The following SPDYE10 variants were observed in gnomAD, a reference collection of about 807,000 sequenced individuals.
SPDYE10 encodes the protein speedy protein E10.
At chr7:73,134,549 G>GAA in the SPDYE10 span, among the ~76,000 whole-genome samples, 1 of 152,032 alleles carries the variant, frequency 6.6e-6, no homozygotes, top group East Asian at 1.9e-4. Flanking sequence ...AAGAAAGAAA[G>GAA]AAAGAAAGAA....
chr7:73,126,603 A>G, the SPDYE10 span, among the ~76,000 whole-genome samples: 1 of 146,390 alleles, frequency 6.8e-6, no homozygotes. Flanking sequence ...AACAAACAGC[A>G]TAAATTAATA....
the SPDYE10 span, among the ~76,000 whole-genome samples, chr7:73,132,495 T>C: frequency 1.3e-5 from 2 of 151,864 alleles, no homozygotes; most frequent in African/African-American, 4.8e-5. Flanking sequence ...TGCAGTGAAC[T>C]ATGATCACAT....
chr7:73,127,766 A>G, the SPDYE10 span, among the ~76,000 whole-genome samples: 2 of 113,102 alleles, frequency 1.8e-5, no homozygotes, highest in South Asian at 7.1e-4. Context: ...AAAATAAAGC[A>G]GCAACAATAT....
chr7:73,135,869 G>GT, the SPDYE10 span, among the ~76,000 whole-genome samples: 6 of 75,408 alleles, frequency 8.0e-5, no homozygotes, highest in South Asian at 5.2e-4. Flanking sequence ...ACCGCACCCG[G>GT]TCTTTTTTTT....
the SPDYE10 span, among the ~76,000 whole-genome samples, chr7:73,126,907 T>TG: frequency 1.0e-4 from 14 of 136,188 alleles, no homozygotes; most frequent in Non-Finnish European, 2.2e-4. Context: ...TTGTTGTTGG[T>TG]GGTTTTTTTT....
chr7:73,134,537 A>AAGAAAGAAAGAAAGAAAGAAAGAACG, the SPDYE10 span, among the ~76,000 whole-genome samples: 1 of 139,530 alleles, frequency 7.2e-6, no homozygotes, highest in Non-Finnish European at 1.5e-5. Context: ...GAAAGAAAGA[A>AAGAAAGAAAGAAAGAAAGAAAGAACG]AAAGAAAGAA....
the SPDYE10 span, among the ~76,000 whole-genome samples, chr7:73,138,144 A>C: frequency 2.6e-5 from 4 of 152,250 alleles, no homozygotes; most frequent in African/African-American, 7.2e-5. Flanking sequence ...TGGGTAATCC[A>C]TTTAGGCCAC....
chr7:73,115,212 G>A, the SPDYE10 span, among the ~76,000 whole-genome samples: 16 of 152,212 alleles, frequency 1.1e-4, no homozygotes, highest in Middle Eastern at 3.4e-3. Context: ...TTTCTCTTAC[G>A]TTTGGTCACC....
chr7:73,118,150 CAA>C, the SPDYE10 span, among the ~76,000 whole-genome samples: 7 of 6,206 alleles, frequency 1.1e-3, no homozygotes, highest in East Asian at 0.022. Context: ...GACTCTCTGT[CAA>C]AAAAAAAAAA....
chr7:73,127,201 T>C, the SPDYE10 span, among the ~76,000 whole-genome samples: 6 of 58,990 alleles, frequency 1.0e-4, no homozygotes, highest in South Asian at 7.1e-4. Context: ...CTCGGCCTCC[T>C]GGAGTGCTGG....
chr7:73,154,845 G>GCC, the SPDYE10 span: 46 of 190,458 alleles, frequency 2.4e-4, no homozygotes, highest in Middle Eastern at 1.1e-3. Context: ...CACCGGGGGA[G>GCC]CCCCCCCAGG....
chr7:73,143,041 AG>A, the SPDYE10 span, among the ~76,000 whole-genome samples: 1 of 150,244 alleles, frequency 6.7e-6, no homozygotes, highest in Non-Finnish European at 1.5e-5. Flanking sequence ...GAAAGAAGGA[AG>A]GAAGAAAATG....
the SPDYE10 span, among the ~76,000 whole-genome samples, chr7:73,123,936 T>C: frequency 4.0e-5 from 6 of 151,054 alleles, no homozygotes; most frequent in African/African-American, 1.5e-4. Context: ...TTTTGTGGGG[T>C]TTTTTTGTTT....
the SPDYE10 span, among the ~76,000 whole-genome samples, chr7:73,128,231 G>A: frequency 1.3e-5 from 2 of 149,268 alleles, no homozygotes; most frequent in African/African-American, 4.9e-5. Context: ...GCAGGTTGCA[G>A]AAGGATACAT....
the SPDYE10 span, among the ~76,000 whole-genome samples, chr7:73,137,186 GC>G: frequency 2.4e-4 from 36 of 149,918 alleles, no homozygotes; most frequent in Admixed American, 1.9e-3. Context: ...TTCAAGACCA[GC>G]CTGACCAACA....
At chr7:73,147,759 T>C in the SPDYE10 span, among the ~76,000 whole-genome samples, 7 of 151,060 alleles carry the variant, frequency 4.6e-5, no homozygotes, top group Admixed American at 3.3e-4. Context: ...CCTCCCGAAG[T>C]GCTGGGATTA....
chr7:73,150,948 A>ATATAT, the SPDYE10 span, among the ~76,000 whole-genome samples: 3 of 4,938 alleles, frequency 6.1e-4, no homozygotes, highest in African/African-American at 1.8e-3. Context: ...ATATATATAT[A>ATATAT]TTTTTTTTTT....
At chr7:73,139,759 CCA>C in the SPDYE10 span, among the ~76,000 whole-genome samples, 1 of 133,268 alleles carries the variant, frequency 7.5e-6, no homozygotes, top group Non-Finnish European at 1.6e-5. Flanking sequence ...TGGGTTCACG[CCA>C]TTCTCCTGCC....
the SPDYE10 span, among the ~76,000 whole-genome samples, chr7:73,132,550 A>C: frequency 7.8e-6 from 1 of 128,664 alleles, no homozygotes; most frequent in East Asian, 2.8e-4. Context: ...CTGTCTCAAA[A>C]AAAAAAAAAA....
Sources: allele counts gnomAD v4.1 joint callset (sites outside exome capture counted in the v4.1 genomes callset), GRCh38; gene constraint gnomAD v4.1.1; transcripts MANE v1.5; gene names NCBI Gene and HGNC (gene_info 2026-07-23, HGNC 2026-07-21).